The following CLEC12A variants were observed in gnomAD, a reference collection of about 807,000 sequenced individuals.
CLEC12A encodes the protein C-type lectin protein CLL-1.
CLEC12A carries 22 observed loss-of-function variants against 26.5 expected under a neutral mutation model. That is an observed-to-expected ratio of 0.83 (90% CI 0.59 to 1.19). The LOEUF (loss-of-function observed/expected upper bound fraction) is 1.19. Among genes scored for constraint, CLEC12A ranks in the 50% most tolerant of loss-of-function variants. The pLI is 0.00. For synonymous variants in CLEC12A, 119 were observed against 101.9 expected (o/e 1.17, Z -1.01); for missense variants, 353 against 315.6 (o/e 1.12, Z -0.90).
At chr12:9,993,853 C>A (rs1370167277) in intron 4 of CLEC12A, among the ~76,000 whole-genome samples, 1 of 152,084 alleles carries the variant, frequency 6.6e-6, no homozygotes, top group Admixed American at 6.6e-5. Flanking sequence ...GGAATATATA[C>A]TTATTGGTTT....
In CLEC12A at chr12:9,979,430, T is replaced by C. The variant is rs1303140576; in HGVS notation, c.285T>C (p.Ser95=). ...LQRNISLQLM[S]NMNISNKIRN... ...GAAATATTTCTCTACAACTGATGAGTAACATGAATATCTCCAACAAGATCA... is the reference window on the plus strand; with the variant it reads ...GAAATATTTCTCTACAACTGATGAGCAACATGAATATCTCCAACAAGATCA... Residue 95 remains serine, a synonymous_variant, in exon 3 of 6, where the codon AGT becomes AGC. Transcript: ENST00000304361. 1.9e-6 allele frequency: 3 copies of C among 1,612,286 alleles called. No homozygotes were observed. Among genetic ancestry groups the C allele is most frequent in the Admixed American group, 3.3e-5 (2 of 59,880 alleles).
At chr12:10,004,110 C>T in the CLEC12A span, among the ~76,000 whole-genome samples, 13 of 152,112 alleles carry the variant, frequency 8.5e-5, no homozygotes, top group African/African-American at 3.1e-4. Context: ...TGCAGACGGG[C>T]AGGTGCAGGA....
At chr12:9,976,953 C>T (rs555723810) in intron 1 of CLEC12A, among the ~76,000 whole-genome samples, 7 of 152,128 alleles carry the variant, frequency 4.6e-5, no homozygotes, top group Non-Finnish European at 8.8e-5. Context: ...GTGTGCCTTT[C>T]ACCTTCCACC....
At chr12:9,952,036 G>T in intron 1 of CLEC12A, 1 of 151,374 alleles carries the variant, frequency 6.6e-6, no homozygotes. Context: ...AGAGTTCTTT[G>T]GAGTCTGGAG....
At chr12:9,987,313 A>G (rs1179531917), downstream of CLEC12A, among the ~76,000 whole-genome samples, 1 of 152,086 alleles carries the variant, frequency 6.6e-6, no homozygotes, top group Non-Finnish European at 1.5e-5. Flanking sequence ...GGGCACCATC[A>G]TTTTTATTAG....
chr12:9,995,476 ATCT>A (rs531885654), exon 5 of CLEC12A: 10 of 460,232 alleles, frequency 2.2e-5, no homozygotes, highest in Non-Finnish European at 4.0e-5. Context: ...TGATATTCTA[ATCT>A]TCTTTTGTGT....
In CLEC12A at chr12:9,985,437, A is replaced by G. The variant is rs1046912622; in HGVS notation, c.*411A>G. The G allele has an allele frequency of 5.0e-6, 2 of 400,382 alleles. No individual in the cohort carries two copies. 24.8% of individuals were successfully genotyped at this position (400,382 alleles called of 1,614,324 possible). On this transcript the variant is annotated 3_prime_UTR_variant, in exon 6 of 6. Transcript: ENST00000304361. ...GCTCCCCATCTCGGGTCCATCCTAT[A>G]CTTCCATGGGACTCCCTATGGCTGA...
At chr12:10,003,293 C>CT in the CLEC12A span, among the ~76,000 whole-genome samples, 2 of 152,176 alleles carry the variant, frequency 1.3e-5, no homozygotes, top group Middle Eastern at 3.2e-3. Flanking sequence ...GTGAAATGAG[C>CT]TTTTTTTTAA....
chr12:9,973,791 A>G (rs895013208), intron 1 of CLEC12A, among the ~76,000 whole-genome samples: 1 of 152,082 alleles, frequency 6.6e-6, no homozygotes, highest in East Asian at 1.9e-4. Flanking sequence ...GTTTTCAAAG[A>G]CAGACTTCCG....
intron 3 of CLEC12A, 120 bp from the exon 4 acceptor site, chr12:9,980,462 A>AAAGAAAAAG: frequency 2.8e-6 from 3 of 1,064,472 alleles, no homozygotes; most frequent in Non-Finnish European, 4.0e-6. Context: ...GGAAAGAGAG[A>AAAGAAAAAG]AAGAAAAAGA....
intron 5 of CLEC12A, 110 bp downstream of exon 5, chr12:9,982,239 A>C: frequency 1.6e-6 from 1 of 636,954 alleles, no homozygotes. Flanking sequence ...ATTGCATGCT[A>C]AAAGAACCCT....
chr12:9,986,383 T>C (rs1050526355), downstream of CLEC12A, among the ~76,000 whole-genome samples: 3 of 149,126 alleles, frequency 2.0e-5, no homozygotes, highest in African/African-American at 7.4e-5. Flanking sequence ...AAATTGAGTA[T>C]TAAATGTTTT....
downstream of CLEC12A, among the ~76,000 whole-genome samples, chr12:9,998,659 G>GTTTT (rs1241016496): frequency 6.6e-6 from 1 of 151,592 alleles, no homozygotes; most frequent in Non-Finnish European, 1.5e-5. Flanking sequence ...GTTTTGTTTT[G>GTTTT]TTTTGTTTTG....
intron 1 of CLEC12A, among the ~76,000 whole-genome samples, chr12:9,975,884 G>C (rs1394489992): frequency 6.6e-6 from 1 of 152,312 alleles, no homozygotes; most frequent in East Asian, 1.9e-4. Context: ...CATCCCAGCT[G>C]CTCCAGCCAT....
intron 1 of CLEC12A, among the ~76,000 whole-genome samples, chr12:9,952,263 C>G (rs1158787212): frequency 6.7e-6 from 1 of 149,492 alleles, no homozygotes; most frequent in African/African-American, 2.5e-5. Context: ...CTGCTGCCAT[C>G]TCGGCTCACT....
the CLEC12A span, among the ~76,000 whole-genome samples, chr12:10,004,879 T>G: frequency 6.6e-6 from 1 of 151,990 alleles, no homozygotes; most frequent in Non-Finnish European, 1.5e-5. Flanking sequence ...ACTTGTCATT[T>G]ACATTAGGTG....
At chr12:9,954,021 T>G (rs1247024226) in intron 1 of CLEC12A, among the ~76,000 whole-genome samples, 22 of 142,322 alleles carry the variant, frequency 1.5e-4, no homozygotes, top group Non-Finnish European at 2.6e-4. Flanking sequence ...GCATGCTCGT[T>G]AAGAGTCATC....
intron 1 of CLEC12A, among the ~76,000 whole-genome samples, chr12:9,973,001 T>C (rs1864187106): frequency 1.3e-5 from 2 of 152,340 alleles, no homozygotes; most frequent in South Asian, 4.1e-4. Context: ...ATTCCCTGAA[T>C]TCACGGAAAT....
chr12:9,984,066 G>A (rs774896148), intron 5 of CLEC12A: 1 of 307,194 alleles, frequency 3.3e-6, no homozygotes, highest in Non-Finnish European at 6.4e-6. Flanking sequence ...TTATCAAAAA[G>A]AAAACTGAAA....
Sources: gnomAD v4.1 joint callset for allele counts (sites outside exome capture counted in the v4.1 genomes callset) on GRCh38, gnomAD v4.1.1 for gene constraint, MANE v1.5 for transcripts, NCBI Gene and HGNC (gene_info 2026-07-23, HGNC 2026-07-21) for gene names.